The following ERO1A variants were observed in gnomAD, a reference collection of about 807,000 sequenced individuals.
ERO1A encodes endoplasmic reticulum oxidoreductase 1 alpha, also known as ERO1-like protein alpha.
A neutral mutation model predicts 76.9 loss-of-function variants in ERO1A; 49 were observed. The ratio of observed to expected loss-of-function variants is 0.64; its 90% CI spans 0.51 to 0.81. ERO1A has a LOEUF of 0.81. Ranked by LOEUF, ERO1A falls within the 30% of genes least tolerant of loss-of-function variation. ERO1A has a pLI of 0.00. For missense variants in ERO1A, 448 were observed against 542.1 expected (o/e 0.83, Z 1.72); for synonymous variants, 174 against 181.2 (o/e 0.96, Z 0.32).
intron 4 of ERO1A, among the ~76,000 whole-genome samples, chr14:52,673,823 T>C (rs1594830310): frequency 6.6e-6 from 1 of 152,004 alleles, no homozygotes; most frequent in Non-Finnish European, 1.5e-5. Flanking sequence ...TTGCAATCTC[T>C]ACCTCCAGGA....
At chr14:52,685,497 ACTT>A (rs1317897391) in intron 1 of ERO1A, among the ~76,000 whole-genome samples, 3 of 152,196 alleles carry the variant, frequency 2.0e-5, no homozygotes, top group African/African-American at 7.2e-5. Context: ...TAAGAGCAGA[ACTT>A]CTAGGGACAA....
At chr14:52,693,787 C>G (rs2041442121) in intron 1 of ERO1A, among the ~76,000 whole-genome samples, 1 of 152,094 alleles carries the variant, frequency 6.6e-6, no homozygotes, top group African/African-American at 2.4e-5. Context: ...CTGGAGCCAC[C>G]ACACCCAGCC....
intron 15 of ERO1A, among the ~76,000 whole-genome samples, chr14:52,644,173 G>A (rs1325687803): frequency 1.3e-5 from 2 of 152,106 alleles, no homozygotes; most frequent in Non-Finnish European, 2.9e-5. Flanking sequence ...AAATAAAATA[G>A]CCAGGTGCAG....
At chr14:52,674,288 G>A (rs550209689) in intron 4 of ERO1A, among the ~76,000 whole-genome samples, 1 of 152,158 alleles carries the variant, frequency 6.6e-6, no homozygotes, top group East Asian at 1.9e-4. Flanking sequence ...CTGGACATTG[G>A]GGCTCAGCCT....
rs946907462 is a variant in ERO1A at position 52,640,982 on chromosome 14, A to G, written c.*2588T>C. On this transcript the variant is annotated 3_prime_UTR_variant, in exon 16 of 16. Transcript: ENST00000395686. ...CCCAAGCGTGAGAAGTGGTGTTGTG[A>G]TTAAGAGAGAAAAAAAAAATGGAGG... 2 of 152,002 alleles carry G rather than the reference A, an allele frequency of 1.3e-5. No individual in the cohort carries two copies. The highest frequency in any genetic ancestry group is 2.9e-5 in the Non-Finnish European group (2 of 68,028). 9.4% of individuals were successfully genotyped at this position (152,002 alleles called of 1,614,324 possible). A position where few individuals can be genotyped will look rare whatever the true frequency, so the allele number is the denominator to read the frequency against.
chr14:52,649,244 T>C (rs2039771305), intron 13 of ERO1A, among the ~76,000 whole-genome samples: 1 of 152,196 alleles, frequency 6.6e-6, no homozygotes, highest in South Asian at 2.1e-4. Flanking sequence ...TCAAATACTT[T>C]ACAAGTCTTC....
chr14:52,666,521 C>A, intron 6 of ERO1A, 26 bp from the exon 7 acceptor site: 1 of 1,581,938 alleles, frequency 6.3e-7, no homozygotes, highest in Non-Finnish European at 8.6e-7. Flanking sequence ...TCTTATTAAA[C>A]CTTTCTTATC....
chr14:52,661,505 A>C (rs1286914264), intron 8 of ERO1A, among the ~76,000 whole-genome samples: 1 of 152,192 alleles, frequency 6.6e-6, no homozygotes, highest in African/African-American at 2.4e-5. Context: ...ATTTGACTAA[A>C]TGGTGTTATC....
intron 8 of ERO1A, among the ~76,000 whole-genome samples, chr14:52,662,553 A>G (rs1424975580): frequency 6.6e-6 from 1 of 152,248 alleles, no homozygotes. Context: ...ATATTTGAAG[A>G]GAATAAGGAT....
At chr14:52,652,494 A>G (rs759768191) in intron 12 of ERO1A, among the ~76,000 whole-genome samples, 186 bp from the exon 13 acceptor site, 3 of 152,182 alleles carry the variant, frequency 2.0e-5, no homozygotes, top group African/African-American at 4.8e-5. Context: ...TAATACAGAA[A>G]TTTGACCCCA....
At chr14:52,655,825 G>T (rs537606768) in intron 11 of ERO1A, among the ~76,000 whole-genome samples, 1 of 151,964 alleles carries the variant, frequency 6.6e-6, no homozygotes, top group African/African-American at 2.4e-5. Context: ...TTCACAAAGT[G>T]GCCAGTCATA....
intron 1 of ERO1A, among the ~76,000 whole-genome samples, chr14:52,684,478 T>C (rs996730457): frequency 5.3e-5 from 8 of 152,128 alleles, no homozygotes; most frequent in African/African-American, 7.2e-5. Flanking sequence ...TATATGCTAC[T>C]TGGGTATCTG....
At chr14:52,677,219 A>C (rs78204490) in intron 4 of ERO1A, among the ~76,000 whole-genome samples, 1 of 152,210 alleles carries the variant, frequency 6.6e-6, no homozygotes, top group South Asian at 2.1e-4. Flanking sequence ...TTTTCAGTGA[A>C]AAGCTATTAG....
intron 2 of ERO1A, among the ~76,000 whole-genome samples, chr14:52,682,923 T>C (rs1355961319): frequency 1.4e-5 from 2 of 145,998 alleles, no homozygotes; most frequent in Non-Finnish European, 3.0e-5. Context: ...AAGACACAGA[T>C]TGGGCTGGGC....
intron 6 of ERO1A, among the ~76,000 whole-genome samples, chr14:52,667,494 G>C (rs1490388772): frequency 6.6e-6 from 1 of 152,200 alleles, no homozygotes; most frequent in Non-Finnish European, 1.5e-5. Context: ...CCTGGGGGCA[G>C]ACTGCTTGAG....
chr14:52,682,674 G>T (rs190781518), intron 2 of ERO1A, among the ~76,000 whole-genome samples: 1 of 152,118 alleles, frequency 6.6e-6, no homozygotes, highest in Admixed American at 6.5e-5. Flanking sequence ...CGAGGGGGGC[G>T]GATCACCTGA....
At chr14:52,668,390 A>G (rs1409832553) in intron 6 of ERO1A, among the ~76,000 whole-genome samples, 1 of 152,020 alleles carries the variant, frequency 6.6e-6, no homozygotes, top group Non-Finnish European at 1.5e-5. Context: ...TACTAAAAAT[A>G]CAAAATTAGC....
In ERO1A at chr14:52,641,082, A is replaced by G. The variant is rs2039454935; in HGVS notation, c.*2488T>C. 1 of 152,204 alleles carries G rather than the reference A, an allele frequency of 6.6e-6. No individual in the cohort carries two copies. Among genetic ancestry groups the G allele is most frequent in the Admixed American group, 6.5e-5 (1 of 15,284 alleles). The allele number at this position is 152,204 out of a possible 1,614,324, so 9.4% of individuals were successfully genotyped here. A position where few individuals can be genotyped will look rare whatever the true frequency, so the allele number is the denominator to read the frequency against. On this transcript the variant is annotated 3_prime_UTR_variant, in exon 16 of 16. Transcript: ENST00000395686. ...GTGGTTCAGGAGTGAGCAAAATGTA[A>G]GAAGTCAAGGGAATAAATCTTTAAA...
chr14:52,652,918 C>T (rs2039920352), intron 12 of ERO1A, 151 bp downstream of exon 12: 3 of 555,320 alleles, frequency 5.4e-6, no homozygotes, highest in Non-Finnish European at 6.3e-6. Flanking sequence ...CTGCTTGAGC[C>T]CAGGAAATCA....
Sources: allele counts gnomAD v4.1 joint callset (sites outside exome capture counted in the v4.1 genomes callset), GRCh38; gene constraint gnomAD v4.1.1; transcripts MANE v1.5; gene names NCBI Gene and HGNC (gene_info 2026-07-23, HGNC 2026-07-21).